Variants in SIPA1L1 observed in about 807,000 individuals in gnomAD.
SIPA1L1 encodes the protein signal induced proliferation associated 1 like 1, also known as signal-induced proliferation-associated 1-like protein 1.
In SIPA1L1, 26 loss-of-function variants were observed where a neutral mutation model predicts 162.7. The ratio of observed to expected loss-of-function variants is 0.16; its 90% CI spans 0.12 to 0.22. The LOEUF is 0.22. Ranked by LOEUF, SIPA1L1 falls within the 10% of genes least tolerant of loss-of-function variation. The pLI, the probability that SIPA1L1 is intolerant of heterozygous loss-of-function variation, is 1.00. For synonymous variants in SIPA1L1, 829 were observed against 837.4 expected (o/e 0.99, Z 0.17); for missense variants, 1,874 against 2,241.0 (o/e 0.84, Z 3.31).
chr14:71,707,097 G>A (rs1158868412), intron 16 of SIPA1L1, among the ~76,000 whole-genome samples: 1 of 149,764 alleles, frequency 6.7e-6, no homozygotes, highest in African/African-American at 2.5e-5. Context: ...CCAATGAAGA[G>A]CCTGCTCCTT....
chr14:71,733,301 C>G (rs1356583211), intron 20 of SIPA1L1, among the ~76,000 whole-genome samples: 1 of 152,208 alleles, frequency 6.6e-6, no homozygotes, highest in Non-Finnish European at 1.5e-5. Context: ...TTGAAGTAGG[C>G]CTCTTCTTCC....
Position 71,709,585 on chromosome 14 carries a change from A to G in SIPA1L1, c.4129A>G (p.Ser1377Gly). ...TESSLSLDIHSKSQAGSTPLT... is the reference protein window; with the variant it reads ...TESSLSLDIHGKSQAGSTPLT... ...GTCTTCCCTGAGCTTAGACATACAC[A>G]GCAAGAGCCAAGCCGGCTCGACCCC... Residue 1377 changes from serine (S) to glycine (G), a missense_variant, in exon 17 of 24, where the codon AGC (serine) becomes GGC (glycine). Physicochemically the swap from Ser to Gly is moderately conservative, Grantham distance 56. This residue lies in a region of SIPA1L1 where 936 missense variants were observed against 1,051.9 expected (regional missense o/e 0.89). Transcript: ENST00000381232. The G allele has an allele frequency of 6.2e-7, 1 of 1,614,210 alleles. No homozygotes were observed. Among genetic ancestry groups the G allele is most frequent in the Non-Finnish European group, 8.5e-7 (1 of 1,180,030 alleles).
chr14:71,598,235 T>C, intron 5 of SIPA1L1: 2 of 985,290 alleles, frequency 2.0e-6, no homozygotes, highest in Non-Finnish European at 2.4e-6. Context: ...ATTTTTACTA[T>C]TGTAAACTTT....
chr14:71,501,110 C>T (rs938063989), intron 2 of SIPA1L1, among the ~76,000 whole-genome samples: 2 of 152,162 alleles, frequency 1.3e-5, no homozygotes, highest in Admixed American at 6.5e-5. Flanking sequence ...TGCTTCAGCT[C>T]AGGAGTTTGA....
chr14:71,472,848 T>TA (rs35990139), intron 2 of SIPA1L1, among the ~76,000 whole-genome samples: 112,033 of 120,478 alleles, frequency 0.93, 52,318 homozygotes, highest in Non-Finnish European at 0.98. Context: ...TATGAAAACT[T>TA]AAAAAAAAAA....
chr14:71,713,623 A>G (rs777862638), intron 17 of SIPA1L1, among the ~76,000 whole-genome samples: 6 of 152,232 alleles, frequency 3.9e-5, no homozygotes, highest in Non-Finnish European at 7.3e-5. Flanking sequence ...TTGATGGTTC[A>G]TGCCACAAAA....
intron 2 of SIPA1L1, among the ~76,000 whole-genome samples, chr14:71,365,391 A>G (rs1490153383): frequency 6.6e-6 from 1 of 152,080 alleles, no homozygotes; most frequent in African/African-American, 2.4e-5. Flanking sequence ...ATCTAGCTCA[A>G]GAGTCTCCTC....
intron 7 of SIPA1L1, among the ~76,000 whole-genome samples, chr14:71,643,156 G>A (rs1200307278): frequency 1.3e-5 from 2 of 152,078 alleles, no homozygotes; most frequent in East Asian, 3.9e-4. Flanking sequence ...AGAATAAGAA[G>A]CATGCAGAAA....
chr14:71,571,056 A>G (rs1163208641), intron 4 of SIPA1L1, among the ~76,000 whole-genome samples: 1 of 152,194 alleles, frequency 6.6e-6, no homozygotes, highest in Non-Finnish European at 1.5e-5. Flanking sequence ...TGGCCTTCCA[A>G]AGTGCTGGGA....
intron 5 of SIPA1L1, among the ~76,000 whole-genome samples, chr14:71,618,055 G>A (rs2039026119): frequency 6.6e-6 from 1 of 152,154 alleles, no homozygotes; most frequent in South Asian, 2.1e-4. Context: ...CAGTCCTTTG[G>A]AGGCTTGTGC....
intron 10 of SIPA1L1, among the ~76,000 whole-genome samples, chr14:71,666,932 G>A (rs17767755): frequency 0.012 from 1,834 of 151,288 alleles, 27 homozygotes; most frequent in Admixed American, 0.058. Context: ...AATCCAAGTA[G>A]GTCAAGTGAT....
chr14:71,666,868 TAAAAAA>T, intron 10 of SIPA1L1, among the ~76,000 whole-genome samples: 1 of 78,180 alleles, frequency 1.3e-5, no homozygotes, highest in African/African-American at 4.9e-5. Context: ...TTCCTCTCTG[TAAAAAA>T]AAAAAAAAAA....
intron 4 of SIPA1L1, among the ~76,000 whole-genome samples, chr14:71,578,119 C>T (rs774996264): frequency 6.6e-6 from 1 of 152,096 alleles, no homozygotes; most frequent in Non-Finnish European, 1.5e-5. Context: ...CCATGTGGGC[C>T]AGGCTGATCT....
intron 4 of SIPA1L1, among the ~76,000 whole-genome samples, chr14:71,557,563 C>G (rs1211441518): frequency 6.6e-6 from 1 of 152,182 alleles, no homozygotes; most frequent in Non-Finnish European, 1.5e-5. Context: ...ATGTGAGTGC[C>G]TGTTTAATTC....
chr14:71,641,566 C>CA (rs895163460), intron 7 of SIPA1L1, among the ~76,000 whole-genome samples: 2 of 151,982 alleles, frequency 1.3e-5, no homozygotes, highest in East Asian at 1.9e-4. Flanking sequence ...ACTAAAAACA[C>CA]AAAAAAATTA....
chr14:71,642,573 A>G (rs1257047285), intron 7 of SIPA1L1, among the ~76,000 whole-genome samples: 1 of 152,224 alleles, frequency 6.6e-6, no homozygotes, highest in Non-Finnish European at 1.5e-5. Context: ...ACTCTTGCCA[A>G]GTAATTTAAC....
chr14:71,614,712 C>G (rs1420395519), intron 5 of SIPA1L1, among the ~76,000 whole-genome samples: 1 of 152,112 alleles, frequency 6.6e-6, no homozygotes, highest in African/African-American at 2.4e-5. Context: ...TTATAATTAT[C>G]CCATCACCAT....
At chr14:71,624,475 T>G (rs1317277162) in intron 7 of SIPA1L1, among the ~76,000 whole-genome samples, 1 of 152,232 alleles carries the variant, frequency 6.6e-6, no homozygotes, top group Non-Finnish European at 1.5e-5. Flanking sequence ...CGTTAAATTC[T>G]TTTGATAATC....
intron 2 of SIPA1L1, among the ~76,000 whole-genome samples, chr14:71,441,579 T>C (rs1173359851): frequency 1.3e-5 from 2 of 152,246 alleles, no homozygotes; most frequent in Non-Finnish European, 2.9e-5. Flanking sequence ...TCAGGTACCA[T>C]GTCTGTCATG....
Sources: allele counts gnomAD v4.1 joint callset (sites outside exome capture counted in the v4.1 genomes callset), GRCh38; gene constraint gnomAD v4.1.1; regional missense constraint gnomAD v4.1.1; transcripts MANE v1.5; gene names NCBI Gene and HGNC (gene_info 2026-07-23, HGNC 2026-07-21).